SAMD12: variants seen among roughly 807,000 people sequenced by gnomAD.
SAMD12 encodes sterile alpha motif domain-containing protein 12.
A neutral mutation model predicts 15.0 loss-of-function variants in SAMD12; 9 were observed. The ratio of observed to expected loss-of-function variants is 0.60; its 90% confidence interval spans 0.36 to 1.05. The LOEUF is 1.05. Among genes scored for constraint, SAMD12 ranks in the 50% least tolerant of loss-of-function variants. SAMD12 has a pLI of 0.01. For synonymous variants in SAMD12, 86 were observed against 90.1 expected, an observed-to-expected ratio of 0.96 and a Z score of 0.25; for missense variants, 230 against 234.2, an observed-to-expected ratio of 0.98 and a Z score of 0.12.
intron 4 of SAMD12, among the ~76,000 whole-genome samples, chr8:118,216,839 T>C (rs12679147): frequency 2.0e-5 from 3 of 151,746 alleles, no homozygotes; most frequent in Non-Finnish European, 4.4e-5. Context: ...TTCTTGACAA[T>C]GAAAATATTA....
intron 2 of SAMD12, among the ~76,000 whole-genome samples, chr8:118,493,899 T>C (rs1824523963): frequency 1.3e-5 from 2 of 152,194 alleles, no homozygotes; most frequent in African/African-American, 2.4e-5. Context: ...CACTATCCTA[T>C]GCCTATAATA....
At chr8:118,274,497 G>T (rs144463779) in intron 4 of SAMD12, among the ~76,000 whole-genome samples, 2 of 152,162 alleles carry the variant, frequency 1.3e-5, no homozygotes, top group African/African-American at 4.8e-5. Flanking sequence ...AACAATAAAT[G>T]CCTGTGTATC....
intron 3 of SAMD12, among the ~76,000 whole-genome samples, chr8:118,404,776 T>C (rs972810599): frequency 6.6e-6 from 1 of 152,178 alleles, no homozygotes. Context: ...TAGAGAAATA[T>C]CAGCTCTACA....
the SAMD12 span, among the ~76,000 whole-genome samples, chr8:118,157,656 T>C: frequency 6.6e-6 from 1 of 152,234 alleles, no homozygotes; most frequent in Admixed American, 6.5e-5. Context: ...TGGCAGTATC[T>C]CATAAATAGG....
chr8:118,256,288 T>C (rs1261900293), intron 4 of SAMD12, among the ~76,000 whole-genome samples: 2 of 152,148 alleles, frequency 1.3e-5, no homozygotes, highest in Non-Finnish European at 2.9e-5. Context: ...TTATTACATA[T>C]AGAGCTCATT....
chr8:118,410,000 G>C (rs1033792649), intron 3 of SAMD12, among the ~76,000 whole-genome samples: 1 of 152,004 alleles, frequency 6.6e-6, no homozygotes, highest in African/African-American at 2.4e-5. Context: ...TATCTTTTTG[G>C]CTTAAAAAGT....
chr8:118,558,941 G>T (rs572159318), intron 2 of SAMD12, among the ~76,000 whole-genome samples: 2 of 152,288 alleles, frequency 1.3e-5, no homozygotes, highest in African/African-American at 4.8e-5. Context: ...TGTTCAACCA[G>T]ACTTGTCAGG....
chr8:118,151,875 A>G, the SAMD12 span, among the ~76,000 whole-genome samples: 1 of 152,022 alleles, frequency 6.6e-6, no homozygotes, highest in Non-Finnish European at 1.5e-5. Context: ...CCAAAAATCA[A>G]TGCAAAAGAT....
chr8:118,502,307 A>T (rs1366562679), intron 2 of SAMD12, among the ~76,000 whole-genome samples: 1 of 152,226 alleles, frequency 6.6e-6, no homozygotes, highest in Non-Finnish European at 1.5e-5. Context: ...ATCAATTCAT[A>T]AGATCAGTGA....
chr8:118,596,087 T>C (rs75467492), intron 1 of SAMD12, among the ~76,000 whole-genome samples: 4,063 of 152,316 alleles, frequency 0.027, 180 homozygotes, highest in African/African-American at 0.092. Context: ...ATACCCAGGA[T>C]TGTTGTTGAA....
At chr8:118,468,200 T>A (rs1215372513) in intron 2 of SAMD12, among the ~76,000 whole-genome samples, 1 of 152,072 alleles carries the variant, frequency 6.6e-6, no homozygotes, top group Non-Finnish European at 1.5e-5. Context: ...ATGAACAACA[T>A]AAATGGTGGA....
intron 2 of SAMD12, among the ~76,000 whole-genome samples, chr8:118,444,523 T>C (rs1822850982): frequency 1.3e-5 from 2 of 152,104 alleles, no homozygotes; most frequent in Non-Finnish European, 1.5e-5. Context: ...GAGAGAATGG[T>C]TGTTTGCAAA....
intron 2 of SAMD12, among the ~76,000 whole-genome samples, chr8:118,476,940 C>A (rs184035145): frequency 4.3e-4 from 66 of 152,218 alleles, no homozygotes; most frequent in Non-Finnish European, 7.9e-4. Context: ...CTCCAGAGAG[C>A]CTATCATGAA....
chr8:118,590,752 C>G (rs1827568000), intron 1 of SAMD12, among the ~76,000 whole-genome samples: 1 of 152,090 alleles, frequency 6.6e-6, no homozygotes, highest in African/African-American at 2.4e-5. Flanking sequence ...CACTCATAAC[C>G]AGGAAGATAC....
At chr8:118,404,789 T>A (rs1821045563) in intron 3 of SAMD12, among the ~76,000 whole-genome samples, 1 of 152,066 alleles carries the variant, frequency 6.6e-6, no homozygotes, top group Admixed American at 6.6e-5. Context: ...GCTCTACAAG[T>A]CCATTACTTT....
At chr8:118,428,248 C>T (rs1290594334) in intron 3 of SAMD12, among the ~76,000 whole-genome samples, 3 of 152,036 alleles carry the variant, frequency 2.0e-5, no homozygotes, top group African/African-American at 7.2e-5. Flanking sequence ...CTTAGAAAAG[C>T]AGACGACTTT....
chr8:118,371,794 G>GT (rs1298918269), intron 4 of SAMD12, among the ~76,000 whole-genome samples: 1 of 152,120 alleles, frequency 6.6e-6, no homozygotes, highest in Non-Finnish European at 1.5e-5. Context: ...GCGGTAGAGG[G>GT]TGAGATTGTC....
intron 4 of SAMD12, among the ~76,000 whole-genome samples, chr8:118,255,220 A>G (rs1156259211): frequency 6.6e-6 from 1 of 152,052 alleles, no homozygotes; most frequent in Non-Finnish European, 1.5e-5. Context: ...TTCATAAGTT[A>G]TGTTTTCTAA....
intron 4 of SAMD12, among the ~76,000 whole-genome samples, chr8:118,255,583 C>A (rs1433047195): frequency 2.0e-5 from 3 of 146,486 alleles, no homozygotes; most frequent in Non-Finnish European, 4.5e-5. Context: ...CAATTCCCAC[C>A]TATGAGTGAG....
Sources: allele counts gnomAD v4.1 joint callset (sites outside exome capture counted in the v4.1 genomes callset), GRCh38; gene constraint gnomAD v4.1.1; transcripts MANE v1.5; gene names NCBI Gene and HGNC (gene_info 2026-07-23, HGNC 2026-07-21).